The following FUT8 variants were observed in gnomAD, a reference collection of about 807,000 sequenced individuals.
The protein encoded by FUT8 is alpha-(1,6)-fucosyltransferase.
In FUT8, 29 loss-of-function variants were observed where a neutral mutation model predicts 71.3. The observed-to-expected ratio is 0.41, with a 90% CI of 0.30 to 0.55. The LOEUF is 0.55. FUT8 is among the 20% of genes least tolerant of loss of function. The pLI is 0.34. For missense variants in FUT8, 544 were observed against 702.1 expected, an observed-to-expected ratio of 0.77 and a Z score of 2.55; for synonymous variants, 254 against 239.3, an observed-to-expected ratio of 1.06 and a Z score of -0.57.
rs1200748814 is a variant in FUT8 at position 65,451,414 on chromosome 14, C to T, written c.-325-4207C>T. Reference sequence around the variant, plus strand: ...AGCAGTGTCCAGGAGCGGGTGCCTGCGACTATTGAAGCTCCAGAGGGTGTG... The same window carrying T: ...AGCAGTGTCCAGGAGCGGGTGCCTGTGACTATTGAAGCTCCAGAGGGTGTG... On this transcript the variant is annotated intron_variant, in intron 1 of 10. Coordinates refer to ENST00000673929, the MANE Select transcript of FUT8 (RefSeq NM_001371533.1). 2.6e-5 allele frequency among the ~76,000 whole-genome samples: 4 copies of T among 152,348 alleles called. No individual in the cohort carries two copies. The South Asian group carries it at 6.2e-4, about 24-fold the overall frequency.
chr14:65,653,053 G>C (rs934348694), intron 6 of FUT8, among the ~76,000 whole-genome samples: 3 of 152,152 alleles, frequency 2.0e-5, no homozygotes, highest in African/African-American at 7.2e-5. Flanking sequence ...AGGAATGTGT[G>C]TCCTTGATAT....
At chr14:65,671,784 TTATC>T (rs918774556) in intron 7 of FUT8, among the ~76,000 whole-genome samples, 55 of 152,336 alleles carry the variant, frequency 3.6e-4, no homozygotes, top group African/African-American at 1.2e-3. Flanking sequence ...CTTATTTACA[TTATC>T]TATATATGTG....
chr14:65,358,467 CATT>C, the FUT8 span, among the ~76,000 whole-genome samples: 5 of 151,742 alleles, frequency 3.3e-5, no homozygotes, highest in Non-Finnish European at 5.9e-5. Context: ...ACTTTTTTTA[CATT>C]ATTATTATTA....
chr14:65,741,773 G>T (rs921187464), intron 10 of FUT8, among the ~76,000 whole-genome samples: 3 of 151,988 alleles, frequency 2.0e-5, no homozygotes, highest in Non-Finnish European at 2.9e-5. Context: ...GGACCACTGT[G>T]TATGTAGCTC....
chr14:65,664,186 A>G (rs940443318), intron 6 of FUT8, among the ~76,000 whole-genome samples: 3 of 152,146 alleles, frequency 2.0e-5, no homozygotes, highest in South Asian at 2.1e-4. Flanking sequence ...AAATCTGACA[A>G]ATGTCACTGT....
At chr14:65,611,195 ACACGCGCGCGCGCGCGCGCG>A (rs1195693985) in intron 3 of FUT8, among the ~76,000 whole-genome samples, 395 of 14,302 alleles carry the variant, frequency 0.028, 36 homozygotes, top group Middle Eastern at 0.083. Flanking sequence ...ACACACACAC[ACACGCGCGCGCGCGCGCGCG>A]CGCGCGCGCA....
At chr14:65,544,946 T>A (rs1884900209) in intron 2 of FUT8, among the ~76,000 whole-genome samples, 1 of 151,848 alleles carries the variant, frequency 6.6e-6, no homozygotes, top group African/African-American at 2.4e-5. Context: ...CCTCCCTGTC[T>A]TACCCTCTTC....
intron 1 of FUT8, among the ~76,000 whole-genome samples, chr14:65,420,961 A>G (rs1020212797): frequency 3.3e-5 from 5 of 152,116 alleles, no homozygotes; most frequent in African/African-American, 1.2e-4. Context: ...TTGGGAGGCC[A>G]AGGTGGGCGG....
At chr14:65,551,453 A>C (rs570730335) in intron 2 of FUT8, among the ~76,000 whole-genome samples, 13 of 152,348 alleles carry the variant, frequency 8.5e-5, no homozygotes, top group African/African-American at 2.9e-4. Context: ...TAAGTCTCAG[A>C]AATCTTTTGT....
At chr14:65,707,012 G>A (rs11847088) in intron 7 of FUT8, among the ~76,000 whole-genome samples, 1 of 152,126 alleles carries the variant, frequency 6.6e-6, no homozygotes, top group Non-Finnish European at 1.5e-5. Context: ...TATTCTTTTA[G>A]AGCCTTAAAG....
chr14:65,397,022 C>A, the FUT8 span, among the ~76,000 whole-genome samples: 1 of 152,134 alleles, frequency 6.6e-6, no homozygotes, highest in Non-Finnish European at 1.5e-5. This position sits in a 1 kb window ranked among gnomAD's most constrained non-coding sequence, Gnocchi z 4.2. Context: ...AGATTTATTT[C>A]TTGCTCATGT....
At chr14:65,486,183 T>C (rs1269840716) in intron 2 of FUT8, among the ~76,000 whole-genome samples, 1 of 152,244 alleles carries the variant, frequency 6.6e-6, no homozygotes, top group Non-Finnish European at 1.5e-5. Flanking sequence ...CAAATTGTAT[T>C]GGCAATTTTC....
At chr14:65,713,225 A>G (rs1207490112) in intron 7 of FUT8, among the ~76,000 whole-genome samples, 1 of 152,226 alleles carries the variant, frequency 6.6e-6, no homozygotes, top group East Asian at 1.9e-4. Context: ...TGTTGTTGCA[A>G]ATGACAGGGT....
intron 6 of FUT8, among the ~76,000 whole-genome samples, chr14:65,636,354 C>G (rs1890555214): frequency 6.7e-6 from 1 of 149,570 alleles, no homozygotes. Flanking sequence ...TAGTTTTGCT[C>G]TGATTTTGGT....
chr14:65,688,828 A>G (rs1893433380), intron 7 of FUT8, among the ~76,000 whole-genome samples: 1 of 152,166 alleles, frequency 6.6e-6, no homozygotes, highest in African/African-American at 2.4e-5. Flanking sequence ...GTTATAACAA[A>G]ATATAAACTG....
intron 1 of FUT8, among the ~76,000 whole-genome samples, chr14:65,423,037 G>T (rs1179363545): frequency 6.8e-6 from 1 of 147,244 alleles, no homozygotes; most frequent in African/African-American, 2.5e-5. Context: ...CCAGGCTGGA[G>T]TGCAGTGGCG....
intron 3 of FUT8, among the ~76,000 whole-genome samples, chr14:65,567,399 A>G (rs1476522849): frequency 6.6e-6 from 1 of 151,928 alleles, no homozygotes; most frequent in Non-Finnish European, 1.5e-5. Context: ...GTTGGGTAGA[A>G]AGGAAACTGA....
intron 2 of FUT8, among the ~76,000 whole-genome samples, chr14:65,519,592 T>C (rs1373895810): frequency 6.6e-6 from 1 of 152,276 alleles, no homozygotes; most frequent in East Asian, 1.9e-4. Flanking sequence ...TTAAAAATGT[T>C]TCTGGATAAA....
At chr14:65,388,737 G>A in the FUT8 span, among the ~76,000 whole-genome samples, 1 of 151,994 alleles carries the variant, frequency 6.6e-6, no homozygotes, top group Admixed American at 6.6e-5. Context: ...ACTCCAGCCT[G>A]GGTGACAGAG....
Sources: allele counts gnomAD v4.1 joint callset (sites outside exome capture counted in the v4.1 genomes callset), GRCh38; gene constraint gnomAD v4.1.1; non-coding constraint Gnocchi (gnomAD v3.1); transcripts MANE v1.5; gene names NCBI Gene and HGNC (gene_info 2026-07-23, HGNC 2026-07-21).